SHROOM3: variants seen among roughly 807,000 people sequenced by gnomAD.
SHROOM3 encodes shroom family member 3, also known as protein Shroom3.
A neutral mutation model predicts 138.6 loss-of-function variants in SHROOM3; 47 were observed. The ratio of observed to expected loss-of-function variants is 0.34; its 90% CI spans 0.27 to 0.43. SHROOM3 has a LOEUF of 0.43. Ranked by LOEUF, SHROOM3 falls within the 20% of genes least tolerant of loss-of-function variation. The pLI is 1.00. For missense variants in SHROOM3, 2,491 were observed against 2,596.5 expected (o/e 0.96, Z 0.88); for synonymous variants, 1,062 against 1,063.3 (o/e 1.00, Z 0.02).
chr4:76,696,400 C>G (rs1719730812), intron 2 of SHROOM3, among the ~76,000 whole-genome samples: 1 of 152,226 alleles, frequency 6.6e-6, no homozygotes, highest in Non-Finnish European at 1.5e-5. Flanking sequence ...GGCTGCCTCC[C>G]CTACTGAGCC....
chr4:76,634,657 G>A (rs1382272769), intron 2 of SHROOM3, among the ~76,000 whole-genome samples: 1 of 152,176 alleles, frequency 6.6e-6, no homozygotes, highest in Admixed American at 6.5e-5. Flanking sequence ...GTTGCAAAAA[G>A]AGAAAGCATC....
intron 2 of SHROOM3, chr4:76,689,444 G>C: frequency 1.2e-6 from 1 of 850,314 alleles, no homozygotes; most frequent in Non-Finnish European, 1.4e-6. Context: ...ACGAGAGGTG[G>C]GCGAGCGCCC....
chr4:76,583,124 G>T (rs1734083007), intron 2 of SHROOM3, among the ~76,000 whole-genome samples: 1 of 152,200 alleles, frequency 6.6e-6, no homozygotes, highest in East Asian at 1.9e-4. Flanking sequence ...ATGGGGCTGT[G>T]GGCAGGTCTT....
intron 1 of SHROOM3, among the ~76,000 whole-genome samples, chr4:76,549,425 G>A (rs1357926072): frequency 6.6e-6 from 1 of 151,740 alleles, no homozygotes; most frequent in Non-Finnish European, 1.5e-5. Flanking sequence ...CTGGAGTGCA[G>A]TGGAGCGATC....
intron 2 of SHROOM3, among the ~76,000 whole-genome samples, chr4:76,650,928 C>T (rs1259529249): frequency 1.3e-5 from 2 of 152,162 alleles, no homozygotes; most frequent in African/African-American, 4.8e-5. Flanking sequence ...GGTACTTATA[C>T]ACAATGGAGT....
chr4:76,515,213 T>TAAA (rs67216189), intron 1 of SHROOM3, among the ~76,000 whole-genome samples: 1 of 113,048 alleles, frequency 8.8e-6, no homozygotes, highest in South Asian at 2.8e-4. Flanking sequence ...AAACTCTGTC[T>TAAA]AAAAAAAAAA....
At chr4:76,770,587 C>T in intron 9 of SHROOM3, 39 bp from the exon 10 acceptor site, 3 of 1,611,012 alleles carry the variant, frequency 1.9e-6, no homozygotes, top group Non-Finnish European at 2.5e-6. Context: ...ACTGGCACCT[C>T]CTGTTGGCTG....
At chr4:76,606,007 A>ATTTTTT (rs1164704632) in intron 2 of SHROOM3, among the ~76,000 whole-genome samples, 29 of 77,820 alleles carry the variant, frequency 3.7e-4, no homozygotes, top group Non-Finnish European at 5.7e-4. Context: ...ATATATATAT[A>ATTTTTT]TTTTTTTTTT....
In SHROOM3 at chr4:76,710,303, GT is replaced by G; in HGVS notation, c.455+18del. 1 of 1,613,682 alleles carries G rather than the reference GT, an allele frequency of 6.2e-7. No homozygotes were observed. Among genetic ancestry groups the G allele is most frequent in the Non-Finnish European group, 8.5e-7 (1 of 1,179,780 alleles). On this transcript the variant is annotated intron_variant, in intron 3 of 10. Transcript: ENST00000296043. ...TGAAGCACAGGTAAGACGCACGGAA[GT>G]TGGTGCTGGCAGTTCGGAAAAAGAA...
At chr4:76,564,772 A>G (rs79472720) in intron 2 of SHROOM3, among the ~76,000 whole-genome samples, 2,397 of 152,284 alleles carry the variant, frequency 0.016, 67 homozygotes, top group African/African-American at 0.055. Context: ...ACCACATTTC[A>G]TTCTTGGGCT....
chr4:76,544,599 G>T (rs2110022592), intron 1 of SHROOM3, among the ~76,000 whole-genome samples: 1 of 152,050 alleles, frequency 6.6e-6, no homozygotes, highest in South Asian at 2.1e-4. Context: ...GTTTCGCCAT[G>T]TTGGCCAGTC....
At chr4:76,646,760 CA>C (rs1735830341) in intron 2 of SHROOM3, among the ~76,000 whole-genome samples, 1 of 152,028 alleles carries the variant, frequency 6.6e-6, no homozygotes, top group African/African-American at 2.4e-5. Context: ...ATGAAAAGCA[CA>C]AAAAATAACA....
At chr4:76,750,894 A>T (rs145332914) in intron 6 of SHROOM3, among the ~76,000 whole-genome samples, 298 of 152,312 alleles carry the variant, frequency 2.0e-3, no homozygotes, top group Non-Finnish European at 3.5e-3. Flanking sequence ...AATAACTGAA[A>T]TGCTTGTCCT....
intron 1 of SHROOM3, among the ~76,000 whole-genome samples, chr4:76,493,050 A>G (rs1182389830): frequency 1.3e-5 from 2 of 151,932 alleles, no homozygotes; most frequent in Admixed American, 1.3e-4. Context: ...GTGAAACCCC[A>G]TCTCTACTAA....
rs980710408 is a variant in SHROOM3, at chr4:76,689,750, C to T, written c.324-20406C>T. On this transcript the variant is annotated intron_variant, in intron 2 of 10. Transcript: ENST00000296043. ...CACGGAGAGGGAGGCGGGGGCCGGCCGGCTGCTTTCTGGAGCGCGTCTATT... is the reference window on the plus strand; with the variant it reads ...CACGGAGAGGGAGGCGGGGGCCGGCTGGCTGCTTTCTGGAGCGCGTCTATT... 5.1e-6 allele frequency: 5 copies of T among 985,134 alleles called. No homozygotes were observed. The African/African-American group carries it at 8.7e-5, about 17-fold the overall frequency. The allele number at this position is 985,134 out of a possible 1,614,324, so 61.0% of individuals were successfully genotyped here. A position where few individuals can be genotyped will look rare whatever the true frequency, so the allele number is the denominator to read the frequency against.
At chr4:76,703,825 T>G (rs1001815728) in intron 2 of SHROOM3, among the ~76,000 whole-genome samples, 9 of 152,210 alleles carry the variant, frequency 5.9e-5, no homozygotes, top group African/African-American at 1.9e-4. Context: ...TCCAAAGGAT[T>G]CTGAGGACAA....
chr4:76,759,478 C>A, intron 8 of SHROOM3, 67 bp from the exon 9 acceptor site: 2 of 1,590,482 alleles, frequency 1.3e-6, no homozygotes, highest in South Asian at 2.2e-5. Flanking sequence ...AATGGACTGA[C>A]ATCTGCAGTG....
At chr4:76,708,407 C>T (rs1720128435) in intron 2 of SHROOM3, among the ~76,000 whole-genome samples, 2 of 151,076 alleles carry the variant, frequency 1.3e-5, no homozygotes, top group Admixed American at 6.6e-5. Context: ...AAGATGGAGT[C>T]GAAAACTTTG....
chr4:76,622,058 T>G (rs1361964706), intron 2 of SHROOM3, among the ~76,000 whole-genome samples: 5 of 152,230 alleles, frequency 3.3e-5, no homozygotes, highest in African/African-American at 9.6e-5. Flanking sequence ...CTTGAACTCC[T>G]TACCTCAGGC....
Sources: allele counts gnomAD v4.1 joint callset (sites outside exome capture counted in the v4.1 genomes callset), GRCh38; gene constraint gnomAD v4.1.1; transcripts MANE v1.5; gene names NCBI Gene and HGNC (gene_info 2026-07-23, HGNC 2026-07-21).